Variants in RGS13 observed in about 807,000 individuals in gnomAD.
The protein encoded by RGS13 is regulator of G protein signaling 13, also known as regulator of G-protein signalling 13.
Under a neutral mutation model 19.9 loss-of-function variants are expected in RGS13, and 14 were observed. That is an observed-to-expected ratio of 0.70 (90% CI 0.46 to 1.10). The LOEUF is 1.10. Among genes scored for constraint, RGS13 ranks in the 50% least tolerant of loss-of-function variants. The pLI, the probability that RGS13 is intolerant of heterozygous loss-of-function variation, is 0.00. For missense variants in RGS13, 205 were observed against 187.1 expected (o/e 1.10, Z -0.56); for synonymous variants, 60 against 56.8 (o/e 1.06, Z -0.25).
At position 192,659,345 on chromosome 1, in the gene RGS13, T is replaced by C. The variant is rs1370865190; in HGVS notation, c.302T>C (p.Ile101Thr). Residue 101 changes from isoleucine to threonine, a missense_variant, in exon 7 of 7, where the codon ATT becomes ACT. Ile to Thr is a moderately conservative substitution (Grantham distance 89). Transcript: ENST00000391995. The stretch of plus-strand genomic sequence containing the variant: ...TGTAATTTCACTTTTCAGATTAACA[T>C]TGACAGTTCGACAAGAGAGACTATC... The part of the protein sequence containing the change: ...IQPQSPREIN[I>T]DSSTRETIIR... 7 of 1,610,068 alleles carry C rather than the reference T, an allele frequency of 4.3e-6. No homozygotes were observed. Among genetic ancestry groups the C allele is most frequent in the East Asian group, 2.2e-5 (1 of 44,686 alleles).
intron 5 of RGS13, among the ~76,000 whole-genome samples, chr1:192,657,543 C>T (rs1266726072): frequency 2.0e-5 from 3 of 152,098 alleles, no homozygotes; most frequent in Non-Finnish European, 4.4e-5. Context: ...GATGGTTACG[C>T]TGCACATAAT....
rs1182017100 is a variant in RGS13 at position 192,658,201 on chromosome 1, A to G, written c.128A>G (p.Tyr43Cys). Residue 43 changes from tyrosine to cysteine, a missense_variant and splice_region_variant, in exon 6 of 7, where the codon TAT (tyrosine) becomes TGT (cysteine). Transcript: ENST00000391995. The part of the protein sequence containing the change: ...QSFENLMATK[Y>C]GPVVYAAYLK... ...AAACTGATTTCTCCTCTACTTTTAG[A>G]TGGTCCAGTAGTCTATGCAGCATAT... is the stretch of plus-strand genomic sequence containing the variant. The G allele has an allele frequency of 6.3e-7, 1 of 1,587,892 alleles. No individual in the cohort carries two copies. Among genetic ancestry groups the G allele is most frequent in the Non-Finnish European group, 8.6e-7 (1 of 1,168,432 alleles).
intron 5 of RGS13, among the ~76,000 whole-genome samples, chr1:192,657,298 T>TAGTCA (rs918829303): frequency 8.2e-6 from 1 of 121,870 alleles, no homozygotes; most frequent in African/African-American, 2.6e-5. Context: ...TAGTCTAGTC[T>TAGTCA]AGTCAAAAAA....
chr1:192,637,920 G>T (rs1028276320), intron 2 of RGS13, among the ~76,000 whole-genome samples: 1 of 151,966 alleles, frequency 6.6e-6, no homozygotes, highest in Non-Finnish European at 1.5e-5. Flanking sequence ...CTTTACTTTT[G>T]TAAAAAATTA....
chr1:192,646,134 C>T (rs1020678152), intron 4 of RGS13: 23 of 152,158 alleles, frequency 1.5e-4, no homozygotes, highest in African/African-American at 5.6e-4. Flanking sequence ...AATCTTAACA[C>T]AGTACACTGT....
chr1:192,657,514 C>T (rs909922460), intron 5 of RGS13, among the ~76,000 whole-genome samples: 1 of 152,098 alleles, frequency 6.6e-6, no homozygotes, highest in Non-Finnish European at 1.5e-5. Context: ...ATAAGAATCT[C>T]CGGCATCAAG....
At chr1:192,654,947 A>G (rs1275422951) in intron 5 of RGS13, among the ~76,000 whole-genome samples, 1 of 152,000 alleles carries the variant, frequency 6.6e-6, no homozygotes, top group Admixed American at 6.6e-5. Context: ...TTATCATCTT[A>G]TTCACTCTGT....
intron 5 of RGS13, among the ~76,000 whole-genome samples, chr1:192,654,884 A>G (rs1663407517): frequency 6.6e-6 from 1 of 152,078 alleles, no homozygotes; most frequent in Admixed American, 6.6e-5. Context: ...TACACTATGT[A>G]TGACATAAGC....
intron 3 of RGS13, among the ~76,000 whole-genome samples, chr1:192,639,756 C>A (rs78608522): frequency 0.022 from 3,331 of 152,164 alleles, 124 homozygotes; most frequent in African/African-American, 0.075. Flanking sequence ...AAGAGCCTGA[C>A]CTCGAGCATA....
chr1:192,644,148 TGA>T (rs1338776057), intron 3 of RGS13, among the ~76,000 whole-genome samples, 181 bp from the exon 4 acceptor site: 1 of 152,178 alleles, frequency 6.6e-6, no homozygotes, highest in African/African-American at 2.4e-5. Flanking sequence ...AAAATATTTA[TGA>T]GAGATGAGTC....
At chr1:192,648,708 G>T (rs1363860396) in intron 5 of RGS13, among the ~76,000 whole-genome samples, 1 of 152,032 alleles carries the variant, frequency 6.6e-6, no homozygotes, top group Non-Finnish European at 1.5e-5. Context: ...CTCAATGCTT[G>T]TTAATTTTTG....
intron 5 of RGS13, among the ~76,000 whole-genome samples, chr1:192,654,102 A>T (rs1663394912): frequency 6.6e-6 from 1 of 151,838 alleles, no homozygotes; most frequent in South Asian, 2.1e-4. Flanking sequence ...AAAGTATAAT[A>T]AAAAATATAC....
At chr1:192,645,514 T>C (rs1345848983) in intron 4 of RGS13, 1 of 152,148 alleles carries the variant, frequency 6.6e-6, no homozygotes, top group Non-Finnish European at 1.5e-5. Context: ...AGTACAGCAC[T>C]GGGATTAGAA....
At chr1:192,641,302 GAAAGAA>G (rs1663116520) in intron 3 of RGS13, among the ~76,000 whole-genome samples, 4 of 125,214 alleles carry the variant, frequency 3.2e-5, no homozygotes, top group South Asian at 2.8e-4. Flanking sequence ...AAGAAAGAAA[GAAAGAA>G]AAGAAAGAAA....
At chr1:192,654,048 A>C (rs575275308) in intron 5 of RGS13, among the ~76,000 whole-genome samples, 5 of 152,148 alleles carry the variant, frequency 3.3e-5, no homozygotes, top group African/African-American at 1.2e-4. Context: ...GCATGTATAC[A>C]TATGTAACAA....
intron 5 of RGS13, 38 bp downstream of exon 5, chr1:192,648,025 G>A (rs567662689): frequency 7.7e-6 from 11 of 1,435,478 alleles, no homozygotes; most frequent in South Asian, 7.4e-5. Flanking sequence ...AATAACTAGC[G>A]AGTTCCATTC....
chr1:192,656,205 C>G (rs1429846313), intron 5 of RGS13, among the ~76,000 whole-genome samples: 12 of 152,080 alleles, frequency 7.9e-5, no homozygotes, highest in African/African-American at 2.4e-5. Context: ...ATCCAAGTAG[C>G]CTGTGTGACA....
intron 3 of RGS13, among the ~76,000 whole-genome samples, chr1:192,642,505 G>A (rs1030581715): frequency 3.3e-5 from 5 of 150,776 alleles, no homozygotes; most frequent in East Asian, 1.9e-4. Flanking sequence ...TTTTCTTTTT[G>A]TTGGAGAGAC....
chr1:192,647,960 T>A lies in RGS13; in HGVS notation c.100T>A (p.Ser34Thr). 2 of 1,602,230 alleles carry A rather than the reference T, an allele frequency of 1.2e-6. No individual in the cohort carries two copies. Among genetic ancestry groups the A allele is most frequent in the African/African-American group, 2.7e-5 (2 of 74,460 alleles). The change falls in exon 5 of 7, where the codon TCT becomes ACT. Residue 34 changes from serine (S) to threonine (T), a missense_variant. Ser to Thr is a moderately conservative substitution (Grantham distance 58). Coordinates refer to ENST00000391995, the MANE Select transcript of RGS13 (RefSeq NM_002927.5). ...GGAGGAAGTATTACAGTGGGCCCAG[T>A]CTTTTGAAAATTTAATGGCTACAAA... ...TLEEVLQWAQ[S>T]FENLMATKYG...
Sources: allele counts gnomAD v4.1 joint callset (sites outside exome capture counted in the v4.1 genomes callset), GRCh38; gene constraint gnomAD v4.1.1; transcripts MANE v1.5; gene names NCBI Gene and HGNC (gene_info 2026-07-23, HGNC 2026-07-21).